ZFAND3: variants seen among roughly 807,000 people sequenced by gnomAD.
ZFAND3 encodes the protein zinc finger AN1-type containing 3, also known as AN1-type zinc finger protein 3.
Under a neutral mutation model 29.6 loss-of-function variants are expected in ZFAND3, and 10 were observed. That is an observed-to-expected ratio of 0.34 (90% CI 0.21 to 0.57). The LOEUF is 0.57. Among genes scored for constraint, ZFAND3 ranks in the 20% least tolerant of loss-of-function variants. The pLI, the probability that ZFAND3 is intolerant of heterozygous loss-of-function variation, is 0.86. For synonymous variants in ZFAND3, 128 were observed against 112.6 expected, an observed-to-expected ratio of 1.14 and a Z score of -0.87; for missense variants, 230 against 304.5, an observed-to-expected ratio of 0.76 and a Z score of 1.82.
chr6:37,961,450 A>G (rs1048183145), intron 2 of ZFAND3, among the ~76,000 whole-genome samples: 9 of 152,232 alleles, frequency 5.9e-5, no homozygotes, highest in Admixed American at 2.0e-4. Context: ...AGGGAAGGAC[A>G]TAGGTCTGCC....
At chr6:37,988,144 C>T (rs1256487542) in intron 2 of ZFAND3, among the ~76,000 whole-genome samples, 1 of 152,146 alleles carries the variant, frequency 6.6e-6, no homozygotes, top group Non-Finnish European at 1.5e-5. Context: ...GTAGAAAAAA[C>T]TGGAAGCAAA....
intron 2 of ZFAND3, among the ~76,000 whole-genome samples, chr6:37,947,461 A>G (rs1169443665): frequency 1.3e-5 from 2 of 152,124 alleles, no homozygotes; most frequent in Non-Finnish European, 2.9e-5. Context: ...GGGGGTTACT[A>G]TACCTCCTTC....
At chr6:37,849,298 CTCT>C (rs1234210207) in intron 1 of ZFAND3, among the ~76,000 whole-genome samples, 1 of 152,142 alleles carries the variant, frequency 6.6e-6, no homozygotes. Context: ...TTTTTCCCCT[CTCT>C]TCTTCTTTGG....
intron 1 of ZFAND3, among the ~76,000 whole-genome samples, chr6:37,926,793 G>A (rs1477006197): frequency 6.6e-6 from 1 of 152,126 alleles, no homozygotes; most frequent in Non-Finnish European, 1.5e-5. Context: ...TCTGTTGTCT[G>A]TTCCAAGACC....
intron 1 of ZFAND3, among the ~76,000 whole-genome samples, chr6:37,873,173 A>G (rs1382432901): frequency 6.6e-6 from 1 of 152,206 alleles, no homozygotes; most frequent in African/African-American, 2.4e-5. Context: ...TGGGAGGCTG[A>G]GGCAGGAGAA....
chr6:38,045,333 C>T (rs889388879), intron 2 of ZFAND3, among the ~76,000 whole-genome samples: 1 of 152,036 alleles, frequency 6.6e-6, no homozygotes, highest in Non-Finnish European at 1.5e-5. Context: ...AAGTGATCCA[C>T]CCAGCTCGGC....
intron 2 of ZFAND3, among the ~76,000 whole-genome samples, chr6:38,008,695 T>C (rs1371360863): frequency 2.0e-5 from 3 of 152,260 alleles, no homozygotes; most frequent in Middle Eastern, 6.8e-3. Flanking sequence ...CCCATTGCTT[T>C]TTTCTTTCTG....
chr6:37,980,345 C>T (rs1475753506), intron 2 of ZFAND3, among the ~76,000 whole-genome samples: 3 of 152,166 alleles, frequency 2.0e-5, no homozygotes, highest in Non-Finnish European at 4.4e-5. Context: ...TTGTGTCAGA[C>T]TAGGCAAAGA....
In ZFAND3 at chr6:37,819,936, G is replaced by A. The variant is rs1182881164; in HGVS notation, c.-10G>A. 2 of 1,218,208 alleles carry A rather than the reference G, an allele frequency of 1.6e-6. No homozygotes were observed. Among genetic ancestry groups the A allele is most frequent in the Non-Finnish European group, 2.0e-6 (2 of 980,740 alleles). The allele number at this position is 1,218,208 out of a possible 1,614,324, so 75.5% of individuals were successfully genotyped here. A position where few individuals can be genotyped will look rare whatever the true frequency, so the allele number is the denominator to read the frequency against. On this transcript the variant is annotated 5_prime_UTR_variant, in exon 1 of 6. Coordinates refer to ENST00000287218, the MANE Select transcript of ZFAND3 (RefSeq NM_021943.3). Reference sequence around the variant, plus strand: ...GCTGCCGCCGCCGAGCTCCGCCGCCGCCGAGCACCATGGGAGACGCTGGGA... The same window carrying A: ...GCTGCCGCCGCCGAGCTCCGCCGCCACCGAGCACCATGGGAGACGCTGGGA...
At chr6:37,864,791 TCTCA>T (rs1764559311) in intron 1 of ZFAND3, among the ~76,000 whole-genome samples, 1 of 151,764 alleles carries the variant, frequency 6.6e-6, no homozygotes, top group African/African-American at 2.4e-5. Flanking sequence ...ACACGCACAC[TCTCA>T]CTCTATATTT....
chr6:38,065,692 C>A (rs1764333112), intron 3 of ZFAND3, among the ~76,000 whole-genome samples: 1 of 152,170 alleles, frequency 6.6e-6, no homozygotes, highest in East Asian at 1.9e-4. Context: ...GAAGCCCATG[C>A]TCTTAACACA....
chr6:38,153,199 G>A lies in ZFAND3; in HGVS notation c.*810G>A, dbSNP rs1274853451. 13 of 985,360 alleles carry A rather than the reference G, an allele frequency of 1.3e-5. No individual in the cohort carries two copies. Among genetic ancestry groups the A allele is most frequent in the African/African-American group, 5.2e-5 (3 of 57,256 alleles). 61.0% of individuals were successfully genotyped at this position (985,360 alleles called of 1,614,324 possible). ...GGATCTGGCACGGACCAGATGTGGCGAATGGCAGCACAGCGCGGTGGCTGG... is the reference window on the plus strand; with the variant it reads ...GGATCTGGCACGGACCAGATGTGGCAAATGGCAGCACAGCGCGGTGGCTGG... On this transcript the variant is annotated 3_prime_UTR_variant, in exon 6 of 6. Transcript: ENST00000287218.
intron 2 of ZFAND3, among the ~76,000 whole-genome samples, chr6:37,931,540 C>G (rs544228443): frequency 2.2e-4 from 30 of 133,348 alleles, no homozygotes; most frequent in Admixed American, 9.8e-4. Context: ...GAGACTCCGT[C>G]TCAAAAAAAA....
At chr6:38,025,670 G>A (rs1763433671) in intron 2 of ZFAND3, among the ~76,000 whole-genome samples, 1 of 152,060 alleles carries the variant, frequency 6.6e-6, no homozygotes. Flanking sequence ...TCCATACAGG[G>A]AATATTATTC....
chr6:38,015,248 A>G (rs143517211), intron 2 of ZFAND3, among the ~76,000 whole-genome samples: 2,865 of 152,316 alleles, frequency 0.019, 44 homozygotes, highest in Non-Finnish European at 0.032. Context: ...TCTCATTACT[A>G]ATCAGAGAAA....
intron 2 of ZFAND3, among the ~76,000 whole-genome samples, chr6:38,058,634 A>G (rs1277357794): frequency 1.3e-5 from 2 of 152,166 alleles, no homozygotes; most frequent in Admixed American, 6.5e-5. Context: ...GGGGCTTGAC[A>G]TGGAGGTCTC....
intron 2 of ZFAND3, among the ~76,000 whole-genome samples, chr6:38,053,961 A>G (rs56308246): frequency 0.067 from 10,132 of 151,812 alleles, 410 homozygotes; most frequent in Non-Finnish European, 0.087. Context: ...TTTTTGAGGT[A>G]TTACTCAAAT....
At chr6:37,820,464 G>C (rs1213542706) in intron 1 of ZFAND3, among the ~76,000 whole-genome samples, 3 of 152,160 alleles carry the variant, frequency 2.0e-5, no homozygotes, top group Non-Finnish European at 4.4e-5. Flanking sequence ...CCTCCTCCCC[G>C]TCCTCCGGAG....
At chr6:38,095,406 C>G (rs1207311138) in intron 4 of ZFAND3, among the ~76,000 whole-genome samples, 3 of 152,150 alleles carry the variant, frequency 2.0e-5, no homozygotes, top group African/African-American at 7.2e-5. Context: ...CAGGTCCCCC[C>G]ACCCCTGGCA....
Sources: gnomAD v4.1 joint callset for allele counts (sites outside exome capture counted in the v4.1 genomes callset) on GRCh38, gnomAD v4.1.1 for gene constraint, MANE v1.5 for transcripts, NCBI Gene and HGNC (gene_info 2026-07-23, HGNC 2026-07-21) for gene names.